Variants in MGRN1 observed in about 807,000 individuals in gnomAD.
MGRN1 encodes the protein mahogunin ring finger 1.
Under a neutral mutation model 69.2 loss-of-function variants are expected in MGRN1, and 29 were observed. That is an observed-to-expected ratio of 0.42 (90% CI 0.31 to 0.57). The LOEUF (loss-of-function observed/expected upper bound fraction) is 0.57, where lower values mean the gene tolerates loss of function less well. Among genes scored for constraint, MGRN1 ranks in the 20% least tolerant of loss-of-function variants. MGRN1 has a pLI of 0.15. For missense variants in MGRN1, 998 were observed against 796.2 expected (o/e 1.25, Z -3.05); for synonymous variants, 470 against 344.2 (o/e 1.37, Z -4.04).
At chr16:4,631,375 T>C (rs1897993148) in intron 1 of MGRN1, among the ~76,000 whole-genome samples, 1 of 152,218 alleles carries the variant, frequency 6.6e-6, no homozygotes, top group African/African-American at 2.4e-5. Context: ...TGAGGGTTTA[T>C]TTTGGGACTC....
At chr16:4,642,534 C>T (rs980263035) in intron 1 of MGRN1, among the ~76,000 whole-genome samples, 2 of 150,766 alleles carry the variant, frequency 1.3e-5, no homozygotes, top group Non-Finnish European at 2.9e-5. Context: ...ACCTTGTTGC[C>T]AGACTGGTCT....
chr16:4,676,191 G>A (rs976977702), intron 10 of MGRN1, among the ~76,000 whole-genome samples: 7 of 152,234 alleles, frequency 4.6e-5, no homozygotes, highest in South Asian at 4.1e-4. Context: ...GAGGCCGGCC[G>A]CCCAGCCTGT....
intron 11 of MGRN1, among the ~76,000 whole-genome samples, chr16:4,678,522 CAGAT>C (rs972525295): frequency 1.0e-4 from 15 of 149,278 alleles, no homozygotes; most frequent in East Asian, 7.9e-4. Flanking sequence ...AAGAGACAGA[CAGAT>C]GTGGAGAGAC....
rs2078891185 is a variant in MGRN1, at chr16:4,669,448, A to AAAAAAAAAAAAG, written c.726+1136_726+1137insAAAAAAAAAAAG. Among the ~76,000 whole-genome samples, 3 of 150,222 alleles carry AAAAAAAAAAAAG rather than the reference A, an allele frequency of 2.0e-5. 1 individual carries two copies. In the South Asian group the frequency reaches 6.3e-4, roughly 31 times the overall value. The stretch of plus-strand genomic sequence containing the variant: ...GACTGTGTCAAAAAAAAAAAAAAAA[A>AAAAAAAAAAAAG]GCTGTGCAACAGCCTGTTGACTTCC... On this transcript the variant is annotated intron_variant, in intron 8 of 16. Coordinates refer to ENST00000262370, the MANE Select transcript of MGRN1 (RefSeq NM_015246.4).
At chr16:4,645,848 A>G (rs1159455743) in intron 1 of MGRN1, among the ~76,000 whole-genome samples, 1 of 152,098 alleles carries the variant, frequency 6.6e-6, no homozygotes, top group Non-Finnish European at 1.5e-5. Context: ...GAAACAACAG[A>G]CCTGGGGACC....
In MGRN1 at chr16:4,683,844, G is replaced by T; in HGVS notation, c.1530G>T (p.Gly510=). 1 of 1,612,122 alleles carries T rather than the reference G, an allele frequency of 6.2e-7. No individual in the cohort carries two copies. Among genetic ancestry groups the T allele is most frequent in the Non-Finnish European group, 8.5e-7 (1 of 1,179,416 alleles). The change falls in exon 16 of 17, where the codon GGG becomes GGT. Residue 510 remains glycine (G), a splice_region_variant and synonymous_variant. Coordinates refer to ENST00000262370, the MANE Select transcript of MGRN1 (RefSeq NM_015246.4). ...CCTAACCTCACCCTCTGCCTGCAGG[G>T]ACCCGAGCAGCTTCCATTGAGAATG... The part of the protein sequence containing the change: ...EVDESSSPQQ[G]TRAASIENVL...
At chr16:4,687,184 C>T (rs1328648113) in intron 16 of MGRN1, 1 of 977,874 alleles carries the variant, frequency 1.0e-6, no homozygotes, top group Non-Finnish European at 1.2e-6. Context: ...AGATAGGAGG[C>T]CCTGTGAGGT....
intron 16 of MGRN1, chr16:4,688,519 G>T: frequency 8.2e-7 from 1 of 1,226,516 alleles, no homozygotes; most frequent in Non-Finnish European, 1.0e-6. Flanking sequence ...ATCCACCGCG[G>T]TGCCGTGTCG....
At chr16:4,667,708 C>T (rs1233954957) in intron 7 of MGRN1, among the ~76,000 whole-genome samples, 1 of 152,222 alleles carries the variant, frequency 6.6e-6, no homozygotes, top group Non-Finnish European at 1.5e-5. Flanking sequence ...CCGTAATTAA[C>T]CTTGTTGAAC....
intron 16 of MGRN1, chr16:4,686,397 T>G: frequency 2.0e-6 from 3 of 1,493,658 alleles, no homozygotes; most frequent in South Asian, 1.3e-5. Context: ...TCCTTCTGGT[T>G]TTTGGGTCTT....
chr16:4,648,843 G>A (rs192369622), intron 1 of MGRN1, among the ~76,000 whole-genome samples: 37 of 117,762 alleles, frequency 3.1e-4, no homozygotes, highest in African/African-American at 1.2e-3. Context: ...TCCTCCCGGG[G>A]CTCTTCCCGT....
chr16:4,663,094 C>T (rs1437834603), intron 5 of MGRN1, among the ~76,000 whole-genome samples: 1 of 152,196 alleles, frequency 6.6e-6, no homozygotes, highest in Non-Finnish European at 1.5e-5. Flanking sequence ...GACGGAGTCT[C>T]ACTGTGTCGC....
chr16:4,681,893 G>A (rs1388788959), intron 13 of MGRN1, 117 bp downstream of exon 13: 1 of 1,042,518 alleles, frequency 9.6e-7, no homozygotes, highest in Non-Finnish European at 1.4e-6. Flanking sequence ...TTCCCCAGAA[G>A]GACTCGGAGA....
At chr16:4,634,861 C>T (rs1482759620) in intron 1 of MGRN1, 1 of 152,230 alleles carries the variant, frequency 6.6e-6, no homozygotes, top group African/African-American at 2.4e-5. Context: ...GGTATGTGGC[C>T]TCAGCGGGGC....
chr16:4,688,535 T>TGACTCG (rs2079386738), intron 16 of MGRN1: 1 of 1,253,594 alleles, frequency 8.0e-7, no homozygotes, highest in African/African-American at 1.5e-5. Context: ...TGTCGCGCTC[T>TGACTCG]GACTCGGGGC....
intron 12 of MGRN1, 156 bp downstream of exon 12, chr16:4,680,253 T>G: frequency 1.4e-6 from 1 of 721,552 alleles, no homozygotes; most frequent in Non-Finnish European, 2.2e-6. Flanking sequence ...CCCAGGGAGT[T>G]TGTGGAACCG....
chr16:4,666,426 C>G (rs2078807495), intron 7 of MGRN1, among the ~76,000 whole-genome samples: 1 of 152,216 alleles, frequency 6.6e-6, no homozygotes, highest in Admixed American at 6.5e-5. Context: ...GCCACCGTAC[C>G]TGGCCAAGAG....
In MGRN1 at chr16:4,683,081, C is replaced by T; in HGVS notation, c.1482+135C>T. On this transcript the variant is annotated intron_variant, in intron 14 of 16. Transcript: ENST00000262370. ...TGTTGGCTCTTGCTGAGCTGCGCGG[C>T]TCCTTAGCCTCGGTCTGTGGAGGCA... is the stretch of plus-strand genomic sequence containing the variant. 1.2e-5 allele frequency: 18 copies of T among 1,490,564 alleles called. No individual in the cohort carries two copies. The South Asian group carries it at 1.9e-4, about 15-fold the overall frequency. 92.3% of individuals were successfully genotyped at this position (1,490,564 alleles called of 1,614,324 possible). A position where few individuals can be genotyped will look rare whatever the true frequency, so the allele number is the denominator to read the frequency against.
chr16:4,686,717 T>C, intron 16 of MGRN1: 1 of 1,017,642 alleles, frequency 9.8e-7, no homozygotes, highest in Non-Finnish European at 1.2e-6. Context: ...GGGGTGAGCG[T>C]CCCAAGGGGA....
Sources: allele counts gnomAD v4.1 joint callset (sites outside exome capture counted in the v4.1 genomes callset), GRCh38; gene constraint gnomAD v4.1.1; transcripts MANE v1.5; gene names NCBI Gene and HGNC (gene_info 2026-07-23, HGNC 2026-07-21).